RAG1: variants seen among roughly 807,000 people sequenced by gnomAD.
RAG1 encodes the protein recombination activating 1.
Under a neutral mutation model 62.7 loss-of-function variants are expected in RAG1, and 35 were observed. That is an observed-to-expected ratio of 0.56 (90% CI 0.43 to 0.74). RAG1 has a LOEUF of 0.74. Ranked by LOEUF, RAG1 falls within the 30% of genes least tolerant of loss-of-function variation. The pLI is 0.00. For missense variants in RAG1, 1,169 were observed against 1,278.6 expected, an observed-to-expected ratio of 0.91 and a Z score of 1.31; for synonymous variants, 461 against 470.3, an observed-to-expected ratio of 0.98 and a Z score of 0.26.
Position 36,579,065 on chromosome 11 carries a change from T to C in RAG1, c.*2629T>C, listed in dbSNP as rs929009645. The C allele has an allele frequency of 2.4e-5, 4 of 167,100 alleles. No individual in the cohort carries two copies. The highest frequency in any genetic ancestry group is 9.6e-5 in the African/African-American group (4 of 41,464). 10.4% of individuals were successfully genotyped at this position (167,100 alleles called of 1,614,324 possible). A position where few individuals can be genotyped will look rare whatever the true frequency, so the allele number is the denominator to read the frequency against. Reference sequence around the variant, plus strand: ...AGCCTTGGGATTAATAAACATGCACTGAGAAGCAAGAGGAGGAGAAAAAGA... The same window carrying C: ...AGCCTTGGGATTAATAAACATGCACCGAGAAGCAAGAGGAGGAGAAAAAGA... On this transcript the variant is annotated 3_prime_UTR_variant, in exon 2 of 2. Transcript: ENST00000299440.
chr11:36,541,479 G>A (rs1482231434), intron 3 of RAG1, among the ~76,000 whole-genome samples: 2 of 152,178 alleles, frequency 1.3e-5, no homozygotes, highest in Non-Finnish European at 2.9e-5. Flanking sequence ...TTTTGGGATG[G>A]AGAAAGTATC....
intron 1 of RAG1, among the ~76,000 whole-genome samples, chr11:36,519,357 A>G (rs969184362): frequency 6.6e-6 from 1 of 152,224 alleles, no homozygotes; most frequent in African/African-American, 2.4e-5. Context: ...CACAGTTGGA[A>G]ACTGAAATTC....
chr11:36,548,680 G>A (rs1850435262), intron 3 of RAG1, among the ~76,000 whole-genome samples: 1 of 152,160 alleles, frequency 6.6e-6, no homozygotes, highest in Non-Finnish European at 1.5e-5. Context: ...TCAATATTGT[G>A]AAAATGGCCA....
intron 3 of RAG1, among the ~76,000 whole-genome samples, chr11:36,548,759 T>C (rs1239519765): frequency 2.0e-5 from 3 of 152,126 alleles, no homozygotes; most frequent in Non-Finnish European, 4.4e-5. Context: ...CTTCACAGAA[T>C]TGGAAAAAAC....
intron 2 of RAG1, among the ~76,000 whole-genome samples, chr11:36,527,868 CTGTT>C (rs1167390974): frequency 9.9e-5 from 15 of 152,228 alleles, no homozygotes; most frequent in African/African-American, 3.4e-4. Flanking sequence ...ATTTGTCTCT[CTGTT>C]TGTCCATTAT....
At chr11:36,521,273 C>T (rs1372744837) in intron 2 of RAG1, among the ~76,000 whole-genome samples, 1 of 152,100 alleles carries the variant, frequency 6.6e-6, no homozygotes, top group East Asian at 1.9e-4. Flanking sequence ...TCTCATCTTT[C>T]AGCTCCCACA....
At chr11:36,542,924 A>C (rs771447158) in intron 3 of RAG1, among the ~76,000 whole-genome samples, 3 of 152,224 alleles carry the variant, frequency 2.0e-5, no homozygotes, top group Non-Finnish European at 2.9e-5. Flanking sequence ...AGTTGTGCAA[A>C]TAAGTCCATT....
At chr11:36,564,830 C>T (rs1850639282), upstream of RAG1, among the ~76,000 whole-genome samples, 2 of 152,176 alleles carry the variant, frequency 1.3e-5, no homozygotes, top group Non-Finnish European at 1.5e-5. Context: ...CTAGCGACGA[C>T]CTGTTAAGGT....
upstream of RAG1, among the ~76,000 whole-genome samples, chr11:36,566,243 T>G (rs1329210459): frequency 6.6e-6 from 1 of 152,104 alleles, no homozygotes; most frequent in African/African-American, 2.4e-5. Context: ...CTAACTCTGC[T>G]TTGGAGGTTA....
chr11:36,576,611 A>C lies in RAG1; in HGVS notation c.*175A>C, dbSNP rs1424314560. Reference sequence around the variant, plus strand: ...GTCAGGAATAGAAACTGATGAGCTGATTGCTTGAGGCTTTTAGTGAGTTCC... The same window carrying C: ...GTCAGGAATAGAAACTGATGAGCTGCTTGCTTGAGGCTTTTAGTGAGTTCC... On this transcript the variant is annotated 3_prime_UTR_variant, in exon 2 of 2. Coordinates refer to ENST00000299440, the MANE Select transcript of RAG1 (RefSeq NM_000448.3). 4.0e-6 allele frequency: 3 copies of C among 748,640 alleles called. No homozygotes were observed. The highest frequency in any genetic ancestry group is 6.6e-6 in the Non-Finnish European group (3 of 451,708). The allele number at this position is 748,640 out of a possible 1,614,324, so 46.4% of individuals were successfully genotyped here. A position where few individuals can be genotyped will look rare whatever the true frequency, so the allele number is the denominator to read the frequency against.
rs1850801027 is a variant in RAG1 at position 36,574,325 on chromosome 11, G to A, written c.1021G>A (p.Glu341Lys). ...ATATCCATGCTTCCCTACTGACCTG[G>A]AGAGTCCAGTGAAGTCCTTTCTGAG... ...CRYPCFPTDL[E>K]SPVKSFLSVL... The change falls in exon 2 of 2, where the codon GAG (glutamate) becomes AAG (lysine). Residue 341 changes from glutamate to lysine, a missense_variant. This residue lies in a region of RAG1 where 800 missense variants were observed against 943.3 expected (regional missense o/e 0.85). Coordinates refer to ENST00000299440, the MANE Select transcript of RAG1 (RefSeq NM_000448.3). 2 of 1,614,086 alleles carry A rather than the reference G, an allele frequency of 1.2e-6. No homozygotes were observed. Among genetic ancestry groups the A allele is most frequent in the African/African-American group, 1.3e-5 (1 of 74,934 alleles).
At chr11:36,566,797 T>C (rs990070434), upstream of RAG1, among the ~76,000 whole-genome samples, 13 of 152,202 alleles carry the variant, frequency 8.5e-5, no homozygotes, top group African/African-American at 1.2e-4. Context: ...TTCTGCCTTG[T>C]CTTTAGTGAG....
downstream of RAG1, among the ~76,000 whole-genome samples, chr11:36,539,878 T>A (rs2133263297): frequency 6.6e-6 from 1 of 152,346 alleles, no homozygotes; most frequent in South Asian, 2.1e-4. Context: ...AAGAATTCAT[T>A]TGGTCTTCTA....
chr11:36,532,392 T>C (rs949330577), intron 2 of RAG1, among the ~76,000 whole-genome samples: 1 of 152,132 alleles, frequency 6.6e-6, no homozygotes, highest in Non-Finnish European at 1.5e-5. Flanking sequence ...ACAAAAATGG[T>C]ACCACATTAG....
At chr11:36,571,837 C>T (rs1173834942) in intron 1 of RAG1, among the ~76,000 whole-genome samples, 12 of 152,076 alleles carry the variant, frequency 7.9e-5, no homozygotes, top group Non-Finnish European at 1.5e-4. Context: ...AGGCTGGTCT[C>T]GAACTCCTGA....
In RAG1 at chr11:36,577,519, C is replaced by A. The variant is rs4151040; in HGVS notation, c.*1083C>A. On this transcript the variant is annotated 3_prime_UTR_variant, in exon 2 of 2. Coordinates refer to ENST00000299440, the MANE Select transcript of RAG1 (RefSeq NM_000448.3). ...GATTCAGAATTGTGTAGCAGGATAACCTTGTATTTTTCCATCCGCTAAGTT... is the reference window on the plus strand; with the variant it reads ...GATTCAGAATTGTGTAGCAGGATAAACTTGTATTTTTCCATCCGCTAAGTT... 6.0e-6 allele frequency: 1 copy of A among 166,962 alleles called. No homozygotes were observed. Among genetic ancestry groups the A allele is most frequent in the Non-Finnish European group, 1.5e-5 (1 of 68,096 alleles). The allele number at this position is 166,962 out of a possible 1,614,324, so 10.3% of individuals were successfully genotyped here.
intron 1 of RAG1, among the ~76,000 whole-genome samples, chr11:36,512,999 G>A (rs1859947354): frequency 6.6e-6 from 1 of 152,186 alleles, no homozygotes; most frequent in African/African-American, 2.4e-5. Context: ...AGAGGCATTT[G>A]GGTCGTGGAA....
downstream of RAG1, among the ~76,000 whole-genome samples, chr11:36,540,720 T>G (rs532926258): frequency 6.6e-6 from 1 of 152,324 alleles, no homozygotes; most frequent in Admixed American, 6.5e-5. Context: ...TTCTTCGTTT[T>G]TTAAAATGAA....
At chr11:36,561,032 A>G (rs1212938482) in intron 3 of RAG1, among the ~76,000 whole-genome samples, 1 of 152,132 alleles carries the variant, frequency 6.6e-6, no homozygotes, top group Non-Finnish European at 1.5e-5. Context: ...TCTTCCATGT[A>G]CCTTCCTTAG....
Sources: gnomAD v4.1 joint callset for allele counts (sites outside exome capture counted in the v4.1 genomes callset) on GRCh38, gnomAD v4.1.1 for gene constraint, gnomAD v4.1.1 regional missense constraint, MANE v1.5 for transcripts, NCBI Gene and HGNC (gene_info 2026-07-23, HGNC 2026-07-21) for gene names.